SATB2: variants seen among roughly 807,000 people sequenced by gnomAD.
SATB2 encodes SATB homeobox 2.
In SATB2, 1 loss-of-function variant was observed where a neutral mutation model predicts 73.4. The ratio of observed to expected loss-of-function variants is 0.01; its 90% CI spans 0.00 to 0.06. The LOEUF is 0.06. SATB2 is among the 10% of genes least tolerant of loss of function. The pLI, the probability that SATB2 is intolerant of heterozygous loss-of-function variation, is 1.00. For missense variants in SATB2, 459 were observed against 945.8 expected (o/e 0.49, Z 6.75); for synonymous variants, 397 against 367.0 (o/e 1.08, Z -0.93).
intron 3 of SATB2, among the ~76,000 whole-genome samples, chr2:199,428,454 C>T (rs1691399980): frequency 6.6e-6 from 1 of 152,172 alleles, no homozygotes; most frequent in South Asian, 2.1e-4. Context: ...AGAGCAAGTG[C>T]TGGCAATCAA....
At chr2:199,371,859 A>C (rs1421918391) in intron 5 of SATB2, among the ~76,000 whole-genome samples, 1 of 152,206 alleles carries the variant, frequency 6.6e-6, no homozygotes, top group Non-Finnish European at 1.5e-5. Flanking sequence ...TATTTTTAAC[A>C]CTTAAACCGA....
intron 3 of SATB2, among the ~76,000 whole-genome samples, chr2:199,426,090 G>C (rs1180303283): frequency 6.6e-6 from 1 of 152,090 alleles, no homozygotes; most frequent in African/African-American, 2.4e-5. Context: ...CAGCGTGTCT[G>C]TTAAAAGTTA....
chr2:199,280,408 C>T (rs1330737100), intron 10 of SATB2, among the ~76,000 whole-genome samples: 5 of 152,122 alleles, frequency 3.3e-5, no homozygotes, highest in Admixed American at 2.6e-4. Flanking sequence ...AAAAAAAGAA[C>T]AGGATAACAG....
chr2:199,270,620 G>C lies in SATB2; in HGVS notation c.*1591C>G, dbSNP rs557060067. ...TGTGAGGTCTCCTCTTGCAATTACTGTAAGTAGAAGTGGAAAGTAATGCTT... is the reference window on the plus strand; with the variant it reads ...TGTGAGGTCTCCTCTTGCAATTACTCTAAGTAGAAGTGGAAAGTAATGCTT... On this transcript the variant is annotated 3_prime_UTR_variant, in exon 11 of 11. Coordinates refer to ENST00000417098, the MANE Select transcript of SATB2 (RefSeq NM_001172509.2). 2 of 152,328 alleles carry C rather than the reference G, an allele frequency of 1.3e-5. No individual in the cohort carries two copies. Among genetic ancestry groups the C allele is most frequent in the South Asian group, 4.1e-4 (2 of 4,828 alleles). The allele number at this position is 152,328 out of a possible 1,614,324, so 9.4% of individuals were successfully genotyped here. A position where few individuals can be genotyped will look rare whatever the true frequency, so the allele number is the denominator to read the frequency against.
At chr2:199,407,288 C>CA (rs34954916) in intron 3 of SATB2, among the ~76,000 whole-genome samples, 31,683 of 77,060 alleles carry the variant, frequency 0.41, 5,479 homozygotes, top group East Asian at 0.64. Flanking sequence ...TCTTGTCTCC[C>CA]AAAAAAAAAA....
At chr2:199,431,320 T>A (rs1242333193) in intron 3 of SATB2, among the ~76,000 whole-genome samples, 5 of 152,198 alleles carry the variant, frequency 3.3e-5, no homozygotes, top group Admixed American at 1.3e-4. Flanking sequence ...TCTAATATAT[T>A]TATTTCAAAG....
intron 2 of SATB2, among the ~76,000 whole-genome samples, chr2:199,444,909 A>G (rs569975851): frequency 1.3e-5 from 2 of 152,328 alleles, no homozygotes; most frequent in African/African-American, 2.4e-5. Flanking sequence ...TTTATTCTAT[A>G]TATGAGAGGC....
intron 3 of SATB2, among the ~76,000 whole-genome samples, chr2:199,432,716 A>G (rs530552433): frequency 2.1e-4 from 32 of 152,150 alleles, no homozygotes; most frequent in Non-Finnish European, 4.0e-4. Flanking sequence ...ACAATGGGCT[A>G]TACTTCAAAA....
At chr2:199,381,954 A>C in intron 3 of SATB2, 134 bp from the exon 4 acceptor site, 1 of 977,040 alleles carries the variant, frequency 1.0e-6, no homozygotes, top group Non-Finnish European at 1.6e-6. Context: ...ACCCAGTGCA[A>C]TAAGCTATTT....
chr2:199,271,190 A>G lies in SATB2; in HGVS notation c.*1021T>C, dbSNP rs560701010. 2.4e-4 allele frequency: 37 copies of G among 152,934 alleles called. No homozygotes were observed. Among genetic ancestry groups the G allele is most frequent in the Non-Finnish European group, 3.8e-4 (26 of 68,032 alleles). 9.5% of individuals were successfully genotyped at this position (152,934 alleles called of 1,614,324 possible). On this transcript the variant is annotated 3_prime_UTR_variant, in exon 11 of 11. Transcript: ENST00000417098. ...GATTTGAAGCCACAAGCAGGTAAAT[A>G]AATTTCACAACAAAATGTGGCTCAT...
chr2:199,404,660 A>C (rs188718075), intron 3 of SATB2, among the ~76,000 whole-genome samples: 3 of 152,316 alleles, frequency 2.0e-5, no homozygotes, highest in Non-Finnish European at 4.4e-5. Flanking sequence ...GTTTATAAAA[A>C]CATTGTTTTA....
intron 2 of SATB2, among the ~76,000 whole-genome samples, chr2:199,437,723 CAGAT>C (rs954380900): frequency 2.4e-4 from 36 of 152,158 alleles, no homozygotes; most frequent in Admixed American, 4.6e-4. Flanking sequence ...AGTTGTCTGA[CAGAT>C]AGCTCTCAAA....
intron 1 of SATB2, chr2:199,470,531 C>A (rs906876095): frequency 6.6e-6 from 1 of 152,284 alleles, no homozygotes; most frequent in African/African-American, 2.4e-5. Context: ...AGCCTGGTGG[C>A]GGGTCAAACC....
intron 2 of SATB2, among the ~76,000 whole-genome samples, chr2:199,448,019 G>A (rs1692012065): frequency 6.6e-6 from 1 of 152,102 alleles, no homozygotes; most frequent in African/African-American, 2.4e-5. Context: ...TGCCTCAGAA[G>A]ACAAGTCATT....
At chr2:199,313,272 T>G (rs1019905429) in intron 9 of SATB2, among the ~76,000 whole-genome samples, 2 of 151,968 alleles carry the variant, frequency 1.3e-5, no homozygotes, top group Admixed American at 6.6e-5. Context: ...AAATAAAAAG[T>G]TTTTTTTAGA....
chr2:199,335,901 C>T (rs1182860966), intron 7 of SATB2, among the ~76,000 whole-genome samples: 1 of 152,120 alleles, frequency 6.6e-6, no homozygotes, highest in Non-Finnish European at 1.5e-5. Context: ...CTTGTGGCAA[C>T]TTTCACATCA....
At chr2:199,343,566 T>C (rs565956690) in intron 7 of SATB2, among the ~76,000 whole-genome samples, 25 of 152,286 alleles carry the variant, frequency 1.6e-4, no homozygotes, top group African/African-American at 6.0e-4. Context: ...CTACAGTACA[T>C]ACAGCAAAAA....
At chr2:199,352,451 C>T (rs1688846750) in intron 6 of SATB2, among the ~76,000 whole-genome samples, 1 of 152,118 alleles carries the variant, frequency 6.6e-6, no homozygotes, top group Admixed American at 6.6e-5. Context: ...AATGTCAGTC[C>T]ATATTCTTTA....
intron 6 of SATB2, among the ~76,000 whole-genome samples, chr2:199,353,009 T>C (rs1038376151): frequency 7.2e-5 from 11 of 151,966 alleles, no homozygotes; most frequent in African/African-American, 2.7e-4. Context: ...GCCAAGTTCT[T>C]TACTACCAAG....
Sources: allele counts gnomAD v4.1 joint callset (sites outside exome capture counted in the v4.1 genomes callset), GRCh38; gene constraint gnomAD v4.1.1; transcripts MANE v1.5; gene names NCBI Gene and HGNC (gene_info 2026-07-23, HGNC 2026-07-21).